Variants in IGFL2 observed in about 807,000 individuals in gnomAD.
The protein encoded by IGFL2 is IGF like family member 2, also known as insulin growth factor-like family member 2.
IGFL2 carries 7 observed loss-of-function variants against 13.9 expected under a neutral mutation model. The ratio of observed to expected loss-of-function variants is 0.51; its 90% CI spans 0.29 to 0.95. The LOEUF (loss-of-function observed/expected upper bound fraction) is 0.95, where lower values mean the gene tolerates loss of function less well. IGFL2 is among the 40% of genes least tolerant of loss of function. IGFL2 has a pLI of 0.08. For synonymous variants in IGFL2, 55 were observed against 55.8 expected (o/e 0.99, Z 0.07); for missense variants, 138 against 147.8 (o/e 0.93, Z 0.34).
the IGFL2 span, among the ~76,000 whole-genome samples, chr19:46,093,326 G>T: frequency 3.3e-5 from 5 of 152,258 alleles, no homozygotes; most frequent in African/African-American, 1.2e-4. Flanking sequence ...AAGTGTATAT[G>T]GGTTTCTGAG....
chr19:46,174,820 C>T, the IGFL2 span, among the ~76,000 whole-genome samples: 4 of 152,146 alleles, frequency 2.6e-5, no homozygotes, highest in Admixed American at 6.5e-5. Flanking sequence ...GAATGTGGCT[C>T]GGTAATTGCT....
chr19:46,214,176 A>C, the IGFL2 span: 1 of 152,308 alleles, frequency 6.6e-6, no homozygotes, highest in Non-Finnish European at 1.5e-5. Flanking sequence ...CAAGAATCTG[A>C]AACACAGACC....
chr19:46,136,791 A>G, the IGFL2 span: 1 of 664,818 alleles, frequency 1.5e-6, no homozygotes, highest in Admixed American at 1.8e-5. Context: ...AACCCGTTTG[A>G]GTGCAACATT....
chr19:46,090,244 A>T, the IGFL2 span, among the ~76,000 whole-genome samples: 285 of 152,310 alleles, frequency 1.9e-3, 1 homozygote, highest in African/African-American at 5.0e-3. Context: ...TATTCTAGCC[A>T]CTTACTGTTT....
the IGFL2 span, among the ~76,000 whole-genome samples, chr19:46,094,034 A>ATTTTT: frequency 8.8e-6 from 1 of 114,224 alleles, no homozygotes; most frequent in Non-Finnish European, 1.7e-5. Flanking sequence ...GCCTTGGAGG[A>ATTTTT]TTTTTTTTTT....
the IGFL2 span, among the ~76,000 whole-genome samples, chr19:46,194,830 T>TTATATATATATATATATATA: frequency 6.4e-5 from 3 of 46,790 alleles, no homozygotes; most frequent in African/African-American, 3.0e-4. Context: ...CTTCCTCATT[T>TTATATATATATATATATATA]TATATATATA....
At chr19:46,160,532 G>T in intron 2 of IGFL2, 64 bp downstream of exon 2, 2 of 1,611,894 alleles carry the variant, frequency 1.2e-6, no homozygotes, top group Non-Finnish European at 1.7e-6. Context: ...GGGCATGGGG[G>T]TTCACAGAGG....
chr19:46,177,399 A>G, the IGFL2 span, among the ~76,000 whole-genome samples: 139 of 152,324 alleles, frequency 9.1e-4, 2 homozygotes, highest in Middle Eastern at 0.017. Flanking sequence ...TCTCAAAACA[A>G]TATACAGATA....
chr19:46,153,082 G>C (rs1395424069), intron 1 of IGFL2, among the ~76,000 whole-genome samples: 1 of 152,166 alleles, frequency 6.6e-6, no homozygotes, highest in African/African-American at 2.4e-5. Flanking sequence ...ATGTTTTGTT[G>C]AGGATTTTTG....
the IGFL2 span, chr19:46,194,955 T>C: frequency 6.9e-6 from 1 of 145,238 alleles, no homozygotes; most frequent in Non-Finnish European, 1.5e-5. Flanking sequence ...CCTCAAGTGA[T>C]CCTCCTGCTT....
chr19:46,120,214 G>C, the IGFL2 span: 4 of 1,481,880 alleles, frequency 2.7e-6, no homozygotes, highest in Non-Finnish European at 3.7e-6. Flanking sequence ...CTATGTCATT[G>C]AGCCATCCCT....
chr19:46,144,708 A>G (rs938301091), upstream of IGFL2, among the ~76,000 whole-genome samples: 13 of 152,170 alleles, frequency 8.5e-5, no homozygotes, highest in Admixed American at 2.6e-4. Flanking sequence ...ACTGTTTTCT[A>G]TGCACAACTT....
the IGFL2 span, among the ~76,000 whole-genome samples, chr19:46,129,327 G>C: frequency 1.3e-5 from 2 of 151,026 alleles, no homozygotes; most frequent in Admixed American, 1.3e-4. Flanking sequence ...GTGTGTGTGT[G>C]TGTGTGTGTG....
At chr19:46,126,346 C>A in the IGFL2 span, among the ~76,000 whole-genome samples, 1 of 152,172 alleles carries the variant, frequency 6.6e-6, no homozygotes, top group Non-Finnish European at 1.5e-5. Context: ...ATTGGTCATG[C>A]AAAGTTTGGT....
the IGFL2 span, among the ~76,000 whole-genome samples, chr19:46,134,563 A>G: frequency 6.6e-6 from 1 of 152,212 alleles, no homozygotes; most frequent in Non-Finnish European, 1.5e-5. Flanking sequence ...AGACAGTGAC[A>G]GATCATCAGA....
the IGFL2 span, among the ~76,000 whole-genome samples, chr19:46,095,468 C>T: frequency 6.6e-6 from 1 of 152,100 alleles, no homozygotes; most frequent in East Asian, 1.9e-4. Flanking sequence ...TTCTCCCATT[C>T]TGCAGGTTGT....
the IGFL2 span, chr19:46,208,081 T>C: frequency 6.6e-6 from 1 of 152,220 alleles, no homozygotes; most frequent in African/African-American, 2.4e-5. Flanking sequence ...AGCAGGTTAA[T>C]TACTTACAGA....
At chr19:46,177,045 C>A in the IGFL2 span, among the ~76,000 whole-genome samples, 1 of 151,946 alleles carries the variant, frequency 6.6e-6, no homozygotes, top group East Asian at 1.9e-4. Flanking sequence ...ATTCTTCAAT[C>A]TTTTTTAGCC....
the IGFL2 span, among the ~76,000 whole-genome samples, chr19:46,185,091 G>A: frequency 6.6e-6 from 1 of 151,998 alleles, no homozygotes; most frequent in Non-Finnish European, 1.5e-5. Flanking sequence ...TTTTTGATGG[G>A]GTTTTTGGTT....
Sources: gnomAD v4.1 joint callset for allele counts (sites outside exome capture counted in the v4.1 genomes callset) on GRCh38, gnomAD v4.1.1 for gene constraint, MANE v1.5 for transcripts, NCBI Gene and HGNC (gene_info 2026-07-23, HGNC 2026-07-21) for gene names.